ZNF385D: variants seen among roughly 807,000 people sequenced by gnomAD.
The protein encoded by ZNF385D is zinc finger protein 385D.
Under a neutral mutation model 35.8 loss-of-function variants are expected in ZNF385D, and 15 were observed. The observed-to-expected ratio is 0.42, with a 90% CI of 0.28 to 0.64. The LOEUF is 0.64. Ranked by LOEUF, ZNF385D falls within the 30% of genes least tolerant of loss-of-function variation. The pLI is 0.23. For missense variants in ZNF385D, 474 were observed against 494.6 expected (o/e 0.96, Z 0.39); for synonymous variants, 212 against 186.8 (o/e 1.13, Z -1.10).
chr3:21,671,064 G>A (rs1457996979), intron 1 of ZNF385D, among the ~76,000 whole-genome samples: 2 of 151,968 alleles, frequency 1.3e-5, no homozygotes, highest in South Asian at 4.2e-4. Context: ...CAGGTCCCAC[G>A]GAGAGGCATA....
chr3:22,279,246 A>T (rs1010891548), intron 2 of ZNF385D, among the ~76,000 whole-genome samples: 1 of 151,946 alleles, frequency 6.6e-6, no homozygotes, highest in African/African-American at 2.4e-5. Flanking sequence ...GTAGTCTTTT[A>T]TCCCTCACAC....
chr3:21,802,502 A>G (rs2072451454), intron 3 of ZNF385D, among the ~76,000 whole-genome samples: 1 of 152,160 alleles, frequency 6.6e-6, no homozygotes, highest in East Asian at 1.9e-4. Context: ...TTGAACCAGT[A>G]CCTTATCTTG....
chr3:21,671,943 T>A (rs950191655), intron 1 of ZNF385D, among the ~76,000 whole-genome samples: 3 of 152,124 alleles, frequency 2.0e-5, no homozygotes, highest in African/African-American at 7.2e-5. Context: ...ACCCCTCAAA[T>A]TTACATTCTT....
chr3:22,176,017 A>G (rs1054101415), intron 2 of ZNF385D, among the ~76,000 whole-genome samples: 1 of 150,438 alleles, frequency 6.6e-6, no homozygotes, highest in Non-Finnish European at 1.5e-5. Context: ...TAAATAGTTC[A>G]CAAGCTGTAA....
intron 3 of ZNF385D, among the ~76,000 whole-genome samples, chr3:21,792,525 ATAGT>A (rs1278449078): frequency 6.6e-6 from 1 of 152,166 alleles, no homozygotes; most frequent in Non-Finnish European, 1.5e-5. Flanking sequence ...AATACCTAAA[ATAGT>A]TAGTAGCTGG....
intron 5 of ZNF385D, among the ~76,000 whole-genome samples, chr3:21,430,863 C>A (rs1051422898): frequency 2.6e-5 from 4 of 152,148 alleles, no homozygotes; most frequent in African/African-American, 9.7e-5. Context: ...AAATTAATCA[C>A]ACTTCCATAG....
At chr3:21,911,638 A>C (rs544699624) in intron 3 of ZNF385D, among the ~76,000 whole-genome samples, 2 of 151,950 alleles carry the variant, frequency 1.3e-5, no homozygotes, top group Non-Finnish European at 2.9e-5. Context: ...TTTATTGAGA[A>C]ATAGTAGCTA....
chr3:21,938,281 T>G (rs776095662), intron 3 of ZNF385D, among the ~76,000 whole-genome samples: 2 of 152,198 alleles, frequency 1.3e-5, no homozygotes, highest in African/African-American at 2.4e-5. Context: ...TTTTTGTGAC[T>G]GACACCGGTG....
intron 3 of ZNF385D, among the ~76,000 whole-genome samples, chr3:22,162,152 G>A (rs1451414833): frequency 1.3e-5 from 2 of 152,120 alleles, no homozygotes; most frequent in South Asian, 4.1e-4. Context: ...AAGAGTTAAG[G>A]AAAGTATTAA....
chr3:22,259,669 C>T (rs1326461519), intron 2 of ZNF385D, among the ~76,000 whole-genome samples: 1 of 151,830 alleles, frequency 6.6e-6, no homozygotes, highest in Non-Finnish European at 1.5e-5. Flanking sequence ...TTATAGGAAA[C>T]ATCCCAAGTA....
intron 2 of ZNF385D, among the ~76,000 whole-genome samples, chr3:22,327,335 T>C (rs1429171915): frequency 1.3e-5 from 2 of 151,980 alleles, no homozygotes; most frequent in South Asian, 2.1e-4. Flanking sequence ...ATGTAAATTT[T>C]CTAAATTAAA....
chr3:21,675,141 T>C (rs1352750174), intron 1 of ZNF385D, among the ~76,000 whole-genome samples: 1 of 152,040 alleles, frequency 6.6e-6, no homozygotes, highest in Non-Finnish European at 1.5e-5. Flanking sequence ...TGCTAAAAGG[T>C]GAGAAACATT....
upstream of ZNF385D, chr3:21,751,449 G>C: frequency 1.0e-6 from 1 of 987,136 alleles, no homozygotes; most frequent in Non-Finnish European, 1.2e-6. Context: ...GGAGGGACGT[G>C]GTTAAGGCGA....
chr3:22,340,094 A>T (rs1224731506), intron 2 of ZNF385D, among the ~76,000 whole-genome samples: 1 of 152,242 alleles, frequency 6.6e-6, no homozygotes, highest in Admixed American at 6.5e-5. Flanking sequence ...AAATACATTA[A>T]GTATTATCCA....
At chr3:22,005,083 A>AAAAAAAAAAAAAAAAAAAAAAAAACC (rs1553717904) in intron 3 of ZNF385D, among the ~76,000 whole-genome samples, 1 of 117,312 alleles carries the variant, frequency 8.5e-6, no homozygotes, top group Non-Finnish European at 1.7e-5. Flanking sequence ...AAAAAAAAAA[A>AAAAAAAAAAAAAAAAAAAAAAAAACC]AGGCAGAAAA....
At chr3:21,456,585 G>T (rs1464242778) in intron 4 of ZNF385D, among the ~76,000 whole-genome samples, 1 of 152,124 alleles carries the variant, frequency 6.6e-6, no homozygotes, top group Non-Finnish European at 1.5e-5. Flanking sequence ...GGGGCCTGTT[G>T]TGGGGTGGGG....
At chr3:21,947,834 G>T (rs1162481396) in intron 3 of ZNF385D, among the ~76,000 whole-genome samples, 1 of 151,980 alleles carries the variant, frequency 6.6e-6, no homozygotes, top group African/African-American at 2.4e-5. Flanking sequence ...TCCAAGTCAG[G>T]GTTATGTATT....
In ZNF385D at chr3:21,425,527, C is replaced by T; in HGVS notation, c.817G>A (p.Asp273Asn). 2 of 1,610,532 alleles carry T rather than the reference C, an allele frequency of 1.2e-6. No individual in the cohort carries two copies. Among genetic ancestry groups the T allele is most frequent in the Admixed American group, 1.7e-5 (1 of 59,502 alleles). ...TGCGTTTCCGAGTTGACGTGCACAT[C>T]ACAGATTTCACAGTGAAATGTTTTA... ...QNKTFHCEICDVHVNSETQLK... is the reference protein window; with the variant it reads ...QNKTFHCEICNVHVNSETQLK... Residue 273 changes from aspartate (D) to asparagine (N), a missense_variant, in exon 6 of 8, where the codon GAT becomes AAT. Transcript: ENST00000281523.
upstream of ZNF385D, among the ~76,000 whole-genome samples, chr3:21,754,725 G>C (rs2070262132): frequency 6.6e-6 from 1 of 151,726 alleles, no homozygotes; most frequent in South Asian, 2.1e-4. Flanking sequence ...CACTATTTTA[G>C]ACGTCTGTTT....
Sources: gnomAD v4.1 joint callset for allele counts (sites outside exome capture counted in the v4.1 genomes callset) on GRCh38, gnomAD v4.1.1 for gene constraint, MANE v1.5 for transcripts, NCBI Gene and HGNC (gene_info 2026-07-23, HGNC 2026-07-21) for gene names.